The following GRID2 variants were observed in gnomAD, a reference collection of about 807,000 sequenced individuals.
The protein encoded by GRID2 is glutamate ionotropic receptor delta type subunit 2, also known as glutamate receptor ionotropic, delta-2.
A neutral mutation model predicts 114.8 loss-of-function variants in GRID2; 33 were observed. The ratio of observed to expected loss-of-function variants is 0.29; its 90% confidence interval spans 0.22 to 0.38. The LOEUF (loss-of-function observed/expected upper bound fraction) is 0.38. GRID2 is among the 10% of genes least tolerant of loss of function. The pLI is 1.00. For synonymous variants in GRID2, 505 were observed against 449.9 expected (o/e 1.12, Z -1.55); for missense variants, 1,184 against 1,257.7 (o/e 0.94, Z 0.89).
intron 2 of GRID2, among the ~76,000 whole-genome samples, chr4:92,667,594 A>G (rs1329691354): frequency 1.3e-5 from 2 of 151,670 alleles, no homozygotes; most frequent in African/African-American, 2.4e-5. Context: ...GCGCTACTCA[A>G]TGCATACTTC....
chr4:92,639,158 T>G (rs1327768182), intron 2 of GRID2, among the ~76,000 whole-genome samples: 1 of 151,736 alleles, frequency 6.6e-6, no homozygotes, highest in Non-Finnish European at 1.5e-5. Flanking sequence ...AGACTTTATT[T>G]GTTATACTTT....
chr4:92,618,499 TG>T (rs1730113841), intron 2 of GRID2, among the ~76,000 whole-genome samples: 4 of 151,954 alleles, frequency 2.6e-5, no homozygotes, highest in Admixed American at 2.6e-4. Flanking sequence ...TAGATCCTTT[TG>T]TGGTTTCATA....
intron 1 of GRID2, among the ~76,000 whole-genome samples, chr4:92,482,493 C>T (rs576159928): frequency 6.6e-6 from 1 of 152,134 alleles, no homozygotes; most frequent in African/African-American, 2.4e-5. Flanking sequence ...TTATTCTATT[C>T]TTGCACCTTC....
chr4:93,170,193 C>T (rs1055188986), intron 4 of GRID2, among the ~76,000 whole-genome samples: 1 of 152,116 alleles, frequency 6.6e-6, no homozygotes, highest in Admixed American at 6.5e-5. Flanking sequence ...AAGCAATTCT[C>T]CTACCTTAGC....
At chr4:92,520,105 A>G (rs1484817052) in intron 1 of GRID2, among the ~76,000 whole-genome samples, 1 of 151,828 alleles carries the variant, frequency 6.6e-6, no homozygotes, top group African/African-American at 2.4e-5. Flanking sequence ...CAACTCCTTA[A>G]GTCATACTTA....
intron 1 of GRID2, among the ~76,000 whole-genome samples, chr4:92,370,037 G>T (rs1188859086): frequency 6.6e-6 from 1 of 151,702 alleles, no homozygotes; most frequent in African/African-American, 2.4e-5. Flanking sequence ...AAAGTTTGTG[G>T]CAACCATATA....
intron 10 of GRID2, among the ~76,000 whole-genome samples, chr4:93,429,860 G>A (rs1289025075): frequency 1.3e-5 from 2 of 152,046 alleles, no homozygotes; most frequent in Non-Finnish European, 2.9e-5. Context: ...TTGTCACTGT[G>A]CCCACCCACG....
Position 93,183,149 on chromosome 4 carries a change from G to A in GRID2, c.736-24255G>A, listed in dbSNP as rs113954367. 2.0e-5 allele frequency among the ~76,000 whole-genome samples: 3 copies of A among 152,144 alleles called. No homozygotes were observed. The South Asian group carries it at 6.2e-4, about 32-fold the overall frequency. The stretch of plus-strand genomic sequence containing the variant: ...TCCTAAAATTTAGTTGCCTGAGGCA[G>A]AACTACATAAACACATAATATCTCA... On this transcript the variant is annotated intron_variant, in intron 4 of 15. Transcript: ENST00000282020.
In GRID2 at chr4:92,930,976, C is replaced by T. The variant is rs142093930; in HGVS notation, c.245-154019C>T. ...GAAAAAGTAAAAGCAACATTACACA[C>T]TCAGAAATTAAGGAAGGAAACACTT... On this transcript the variant is annotated intron_variant, in intron 2 of 15. Coordinates refer to ENST00000282020, the MANE Select transcript of GRID2 (RefSeq NM_001510.4). Among the ~76,000 whole-genome samples, 633 of 150,930 alleles carry T rather than the reference C, an allele frequency of 4.2e-3. 2 individuals are homozygous for T. The highest frequency in any genetic ancestry group is 6.2e-3 in the Admixed American group (94 of 15,090).
intron 14 of GRID2, among the ~76,000 whole-genome samples, chr4:93,756,298 A>G (rs183281048): frequency 6.6e-6 from 1 of 152,246 alleles, no homozygotes; most frequent in Admixed American, 6.5e-5. Context: ...CCTAAGTGAC[A>G]CCCATCACTC....
At chr4:92,628,961 G>A (rs1730657305) in intron 2 of GRID2, among the ~76,000 whole-genome samples, 1 of 151,956 alleles carries the variant, frequency 6.6e-6, no homozygotes, top group Non-Finnish European at 1.5e-5. Flanking sequence ...GGTGGCAGGT[G>A]GCTGCTGGAG....
intron 1 of GRID2, among the ~76,000 whole-genome samples, chr4:93,794,830 A>G (rs1319966476): frequency 6.6e-6 from 1 of 152,188 alleles, no homozygotes; most frequent in Non-Finnish European, 1.5e-5. Context: ...CTACTAGGAT[A>G]TTCTTCATGA....
At chr4:93,105,885 A>G (rs1732176721) in intron 3 of GRID2, among the ~76,000 whole-genome samples, 1 of 152,122 alleles carries the variant, frequency 6.6e-6, no homozygotes, top group South Asian at 2.1e-4. Flanking sequence ...AACAGCTTTA[A>G]TTCTATCTGC....
At chr4:92,559,450 C>T (rs1727012942) in intron 1 of GRID2, among the ~76,000 whole-genome samples, 1 of 152,136 alleles carries the variant, frequency 6.6e-6, no homozygotes, top group African/African-American at 2.4e-5. Context: ...CAACATGCCT[C>T]AATGAGTACT....
intron 2 of GRID2, among the ~76,000 whole-genome samples, chr4:92,785,665 G>C (rs1324721081): frequency 6.6e-6 from 1 of 151,540 alleles, no homozygotes; most frequent in Non-Finnish European, 1.5e-5. Context: ...CTAGTGTTTT[G>C]TCATTTTCAG....
intron 8 of GRID2, among the ~76,000 whole-genome samples, chr4:93,348,399 A>C (rs1267884430): frequency 6.6e-6 from 1 of 152,222 alleles, no homozygotes; most frequent in Non-Finnish European, 1.5e-5. Context: ...GCTTCCTCAA[A>C]TTTGTATGTC....
chr4:93,384,290 GACTCCAT>G (rs1311017362), intron 8 of GRID2, among the ~76,000 whole-genome samples: 11 of 152,094 alleles, frequency 7.2e-5, no homozygotes, highest in African/African-American at 2.7e-4. Flanking sequence ...TAGGGAAGTG[GACTCCAT>G]CTCTTGAAAG....
chr4:93,455,692 A>G lies in GRID2; in HGVS notation c.1576A>G (p.Ile526Val), dbSNP rs1162013730. The G allele has an allele frequency of 6.2e-7, 1 of 1,612,638 alleles. No homozygotes were observed. Among genetic ancestry groups the G allele is most frequent in the South Asian group, 1.1e-5 (1 of 91,046 alleles). ...CGACATAGGGATTTCTGCTTTAACC[A>G]TCACTCCAGATCGTGAAAATGTGGT... ...RADIGISALT[I>V]TPDRENVVDF... is the part of the protein sequence containing the mutation. The change falls in exon 11 of 16, where the codon ATC becomes GTC. Residue 526 changes from isoleucine (I) to valine (V), a missense_variant. By Grantham distance (29) the Ile-to-Val change is conservative. Around this residue, in one of 3 missense-constraint regions of GRID2, gnomAD observed 717 missense variants for 796.9 expected, o/e 0.90. Coordinates refer to ENST00000282020, the MANE Select transcript of GRID2 (RefSeq NM_001510.4).
chr4:93,262,846 A>G (rs774299262), intron 8 of GRID2, among the ~76,000 whole-genome samples: 80 of 151,998 alleles, frequency 5.3e-4, no homozygotes, highest in Non-Finnish European at 9.0e-4. Context: ...TGAAATCGCT[A>G]TACTAAAGTC....
Sources: gnomAD v4.1 joint callset for allele counts (sites outside exome capture counted in the v4.1 genomes callset) on GRCh38, gnomAD v4.1.1 for gene constraint, gnomAD v4.1.1 regional missense constraint, MANE v1.5 for transcripts, NCBI Gene and HGNC (gene_info 2026-07-23, HGNC 2026-07-21) for gene names.